The following ADAMTSL1 variants were observed in gnomAD, a reference collection of about 807,000 sequenced individuals.
The protein encoded by ADAMTSL1 is ADAMTS-like protein 1.
A neutral mutation model predicts 201.8 loss-of-function variants in ADAMTSL1; 126 were observed. The observed-to-expected ratio is 0.62, with a 90% confidence interval of 0.54 to 0.72. The LOEUF is 0.72. Ranked by LOEUF, ADAMTSL1 falls within the 30% of genes least tolerant of loss-of-function variation. ADAMTSL1 has a pLI of 0.00. For synonymous variants in ADAMTSL1, 1,121 were observed against 903.4 expected (o/e 1.24, Z -4.32); for missense variants, 2,679 against 2,277.8 (o/e 1.18, Z -3.59).
chr9:17,953,933 C>T (rs1446194519), intron 1 of ADAMTSL1, among the ~76,000 whole-genome samples: 1 of 152,134 alleles, frequency 6.6e-6, no homozygotes, highest in Non-Finnish European at 1.5e-5. Flanking sequence ...GGCTGGTCCC[C>T]TTGAAGGGTC....
At chr9:18,306,487 G>A (rs1473319585) in intron 2 of ADAMTSL1, among the ~76,000 whole-genome samples, 1 of 152,158 alleles carries the variant, frequency 6.6e-6, no homozygotes, top group Non-Finnish European at 1.5e-5. Flanking sequence ...AACCAGTTTA[G>A]AGAAGAACAG....
chr9:18,150,979 C>T (rs1826883134), intron 1 of ADAMTSL1, among the ~76,000 whole-genome samples: 2 of 151,722 alleles, frequency 1.3e-5, no homozygotes, highest in African/African-American at 2.4e-5. Flanking sequence ...AAATGGGATC[C>T]CCAGTGGAGA....
intron 4 of ADAMTSL1, among the ~76,000 whole-genome samples, chr9:18,619,841 T>C (rs1341871787): frequency 6.6e-6 from 1 of 152,144 alleles, no homozygotes; most frequent in Non-Finnish European, 1.5e-5. Context: ...CTGTGCCCAA[T>C]GCCTGCGCTG....
intron 2 of ADAMTSL1, among the ~76,000 whole-genome samples, chr9:18,318,262 T>C (rs1834484660): frequency 6.6e-6 from 1 of 152,206 alleles, no homozygotes; most frequent in Admixed American, 6.5e-5. Flanking sequence ...CAATGCATTT[T>C]AGAGAGTGGC....
At chr9:18,185,104 A>G (rs113853104) in intron 2 of ADAMTSL1, among the ~76,000 whole-genome samples, 51 of 152,282 alleles carry the variant, frequency 3.3e-4, no homozygotes, top group South Asian at 6.2e-4. Flanking sequence ...AGTAGCCCCT[A>G]TGATCCTCAC....
intron 3 of ADAMTSL1, among the ~76,000 whole-genome samples, chr9:18,547,633 TA>T (rs56789652): frequency 0.013 from 1,101 of 86,266 alleles, 10 homozygotes; most frequent in Middle Eastern, 0.029. Flanking sequence ...TATATATATA[TA>T]AAAAAAAAAA....
intron 4 of ADAMTSL1, among the ~76,000 whole-genome samples, chr9:18,601,075 A>G (rs904476936): frequency 2.6e-5 from 4 of 152,032 alleles, no homozygotes; most frequent in African/African-American, 9.7e-5. Context: ...AGTTTTCTCT[A>G]TCTCCTTTTG....
At chr9:18,752,734 C>T (rs1819536274) in intron 15 of ADAMTSL1, among the ~76,000 whole-genome samples, 1 of 152,228 alleles carries the variant, frequency 6.6e-6, no homozygotes, top group African/African-American at 2.4e-5. Flanking sequence ...GAGCAGCCTT[C>T]ATTTCTGTTA....
At chr9:18,375,798 C>T (rs1837264893) in intron 2 of ADAMTSL1, among the ~76,000 whole-genome samples, 1 of 152,170 alleles carries the variant, frequency 6.6e-6, no homozygotes, top group Non-Finnish European at 1.5e-5. Context: ...CCTTTTTTGT[C>T]CCTGCCCATG....
chr9:18,593,540 A>G lies in ADAMTSL1; in HGVS notation c.474+19274A>G, dbSNP rs898452116. Among the ~76,000 whole-genome samples, 4 of 152,130 alleles carry G rather than the reference A, an allele frequency of 2.6e-5. No individual in the cohort carries two copies. In the South Asian group the frequency reaches 6.2e-4, roughly 24 times the overall value. On this transcript the variant is annotated intron_variant, in intron 4 of 28. Coordinates refer to ENST00000380548, the MANE Select transcript of ADAMTSL1 (RefSeq NM_001040272.6). ...CCTCTTTTTTGATGTAGGTGCTTAT[A>G]GGTATAAACTTCCCTCTTAGTACTG...
intron 12 of ADAMTSL1, among the ~76,000 whole-genome samples, chr9:18,682,594 C>G (rs1333918161): frequency 2.0e-5 from 3 of 152,216 alleles, no homozygotes; most frequent in African/African-American, 7.2e-5. Context: ...AATTTGATTT[C>G]TGTACAAGTA....
chr9:18,670,538 C>A (rs368496866), intron 9 of ADAMTSL1, among the ~76,000 whole-genome samples: 1 of 152,190 alleles, frequency 6.6e-6, no homozygotes, highest in African/African-American at 2.4e-5. Context: ...AAAGGCAAGA[C>A]GTGGGACTGA....
At chr9:18,614,906 G>T (rs543465982) in intron 4 of ADAMTSL1, among the ~76,000 whole-genome samples, 1 of 151,918 alleles carries the variant, frequency 6.6e-6, no homozygotes, top group East Asian at 1.9e-4. Flanking sequence ...TTTCCTATGG[G>T]CCTTGTGTTT....
chr9:18,720,854 C>T (rs1028805805), intron 14 of ADAMTSL1, among the ~76,000 whole-genome samples: 1 of 152,216 alleles, frequency 6.6e-6, no homozygotes, highest in African/African-American at 2.4e-5. Context: ...TTCCCAGTAA[C>T]CTTGTGCCAG....
At chr9:18,433,234 G>A (rs1353796304) in intron 2 of ADAMTSL1, among the ~76,000 whole-genome samples, 4 of 152,054 alleles carry the variant, frequency 2.6e-5, no homozygotes, top group Admixed American at 2.0e-4. Context: ...GTTGTGGAGA[G>A]TTTTAATGAC....
At chr9:18,832,124 C>A (rs190032233) in intron 23 of ADAMTSL1, among the ~76,000 whole-genome samples, 1 of 152,172 alleles carries the variant, frequency 6.6e-6, no homozygotes, top group Non-Finnish European at 1.5e-5. Context: ...GCCATCAAAA[C>A]GAACAAGCCT....
At chr9:18,500,601 T>C (rs866522416) in intron 1 of ADAMTSL1, among the ~76,000 whole-genome samples, 1 of 152,102 alleles carries the variant, frequency 6.6e-6, no homozygotes, top group Non-Finnish European at 1.5e-5. Context: ...TCAACTTTCA[T>C]AAAATTATAG....
At chr9:17,983,171 A>T (rs1273586415) in intron 1 of ADAMTSL1, among the ~76,000 whole-genome samples, 2 of 149,804 alleles carry the variant, frequency 1.3e-5, no homozygotes, top group Non-Finnish European at 3.0e-5. Flanking sequence ...CCTGGGTTCA[A>T]GCGATTCTCC....
chr9:18,141,445 C>T (rs867754182), intron 1 of ADAMTSL1, among the ~76,000 whole-genome samples: 3 of 152,106 alleles, frequency 2.0e-5, no homozygotes, highest in South Asian at 2.1e-4. Flanking sequence ...CACAGGGCCT[C>T]GATTCAAGAT....
Sources: allele counts gnomAD v4.1 joint callset (sites outside exome capture counted in the v4.1 genomes callset), GRCh38; gene constraint gnomAD v4.1.1; transcripts MANE v1.5; gene names NCBI Gene and HGNC (gene_info 2026-07-23, HGNC 2026-07-21).